Variants in NEBL observed in about 807,000 individuals in gnomAD.
NEBL encodes nebulette.
A neutral mutation model predicts 140.2 loss-of-function variants in NEBL; 122 were observed. That is an observed-to-expected ratio of 0.87 (90% CI 0.75 to 1.01). The LOEUF is 1.01. NEBL is among the 50% of genes least tolerant of loss of function. The pLI, the probability that NEBL is intolerant of heterozygous loss-of-function variation, is 0.00. For synonymous variants in NEBL, 436 were observed against 398.9 expected (o/e 1.09, Z -1.11); for missense variants, 1,365 against 1,231.3 (o/e 1.11, Z -1.62).
At chr10:21,212,527 TTG>T (rs1387061621) in intron 3 of NEBL, among the ~76,000 whole-genome samples, 1 of 152,146 alleles carries the variant, frequency 6.6e-6, no homozygotes, top group Non-Finnish European at 1.5e-5. Context: ...TCTCAAGAGT[TTG>T]TGAAACTTCC....
intron 3 of NEBL, among the ~76,000 whole-genome samples, chr10:20,968,745 T>C (rs1048968261): frequency 6.6e-6 from 1 of 152,338 alleles, no homozygotes; most frequent in African/African-American, 2.4e-5. Context: ...CTTTATTTCA[T>C]ACATTTCTGA....
chr10:21,072,804 A>G (rs9664022), intron 2 of NEBL, among the ~76,000 whole-genome samples: 4,843 of 152,264 alleles, frequency 0.032, 113 homozygotes, highest in African/African-American at 0.063. Flanking sequence ...CAGCATGGCC[A>G]ACATGATAAA....
intron 4 of NEBL, among the ~76,000 whole-genome samples, chr10:20,934,979 C>T (rs374601034): frequency 1.3e-5 from 2 of 152,156 alleles, no homozygotes; most frequent in East Asian, 3.9e-4. Context: ...GCATGCTGTG[C>T]AATAGTGAAG....
intron 4 of NEBL, among the ~76,000 whole-genome samples, chr10:20,911,918 A>G (rs1372116646): frequency 6.6e-6 from 1 of 152,318 alleles, no homozygotes; most frequent in East Asian, 1.9e-4. Flanking sequence ...TTATCATAGC[A>G]TTCAGTCTGT....
At chr10:21,218,447 G>C (rs781311250) in intron 3 of NEBL, among the ~76,000 whole-genome samples, 26 of 148,738 alleles carry the variant, frequency 1.7e-4, no homozygotes, top group Non-Finnish European at 3.2e-4. Context: ...GTGATGGTGT[G>C]TCTTCTTTCT....
chr10:21,161,709 C>A lies in NEBL; in HGVS notation c.164+10674G>T, dbSNP rs576440721. 3.9e-5 allele frequency among the ~76,000 whole-genome samples: 6 copies of A among 152,138 alleles called. No individual in the cohort carries two copies. The South Asian group carries it at 1.2e-3, about 32-fold the overall frequency. On this transcript the variant is annotated intron_variant, in intron 2 of 6. Coordinates refer to the NEBL transcript ENST00000417816. ...TGACTGGGGATGGTGGATTTTAGGCCCTCATTCATGTCCTGATGGAATAGG... is the reference window on the plus strand; with the variant it reads ...TGACTGGGGATGGTGGATTTTAGGCACTCATTCATGTCCTGATGGAATAGG...
At chr10:21,023,105 G>A (rs919719215) in intron 2 of NEBL, among the ~76,000 whole-genome samples, 3 of 152,156 alleles carry the variant, frequency 2.0e-5, no homozygotes, top group Admixed American at 2.0e-4. Flanking sequence ...TAGCAACTAC[G>A]TATGGCTGTA....
chr10:20,874,958 C>T (rs1469009296), intron 5 of NEBL, among the ~76,000 whole-genome samples: 1 of 152,090 alleles, frequency 6.6e-6, no homozygotes, highest in Non-Finnish European at 1.5e-5. Context: ...AGGTTGGTCT[C>T]AAACTCCTGA....
At chr10:20,845,212 C>G in intron 12 of NEBL, 46 bp downstream of exon 12, 1 of 1,243,216 alleles carries the variant, frequency 8.0e-7, no homozygotes, top group Non-Finnish European at 1.2e-6. Context: ...TGGGTTTTTT[C>G]TTTACTTTTC....
rs150306705 is a variant in NEBL at position 21,280,566 on chromosome 10, G to A, written n.182+12264C>T. On this transcript the variant is annotated intron_variant and non_coding_transcript_variant, in intron 1 of 8. Coordinates refer to the NEBL transcript ENST00000675702. ...ACAGGGGTCCCCCAGAGTCAAGAAA[G>A]AGCCAAGACTTCATGTAAGGGGCAT... Among the ~76,000 whole-genome samples the A allele has an allele frequency of 3.0e-4, 46 of 150,944 alleles. 1 individual carries two copies. In the East Asian group the frequency reaches 7.1e-3, roughly 23 times the overall value.
At chr10:21,205,242 C>G (rs1048638153) in intron 3 of NEBL, among the ~76,000 whole-genome samples, 3 of 152,190 alleles carry the variant, frequency 2.0e-5, no homozygotes, top group Non-Finnish European at 4.4e-5. Flanking sequence ...ATATCTGCCC[C>G]AAATGTGTAG....
chr10:20,974,897 T>G (rs1027287313), intron 3 of NEBL, among the ~76,000 whole-genome samples: 8 of 152,236 alleles, frequency 5.3e-5, no homozygotes, highest in African/African-American at 1.9e-4. Flanking sequence ...TCCCAAACTT[T>G]GTTAACATTA....
intron 3 of NEBL, among the ~76,000 whole-genome samples, chr10:21,242,894 G>A (rs1842459353): frequency 1.3e-5 from 2 of 152,268 alleles, no homozygotes; most frequent in South Asian, 4.2e-4. Flanking sequence ...GTTTGGGGGT[G>A]AGAAGAACAG....
At chr10:21,182,090 C>T (rs2132206063) in intron 3 of NEBL, among the ~76,000 whole-genome samples, 1 of 151,576 alleles carries the variant, frequency 6.6e-6, no homozygotes, top group South Asian at 2.1e-4. Context: ...GGCTAAGACT[C>T]ATTTTAAAAA....
At chr10:21,054,656 A>T (rs916260602) in intron 2 of NEBL, among the ~76,000 whole-genome samples, 2 of 152,228 alleles carry the variant, frequency 1.3e-5, no homozygotes. Context: ...CCATAGCACA[A>T]ATGTATTTTT....
At chr10:20,895,507 A>G (rs1046639340) in intron 2 of NEBL, among the ~76,000 whole-genome samples, 3 of 152,172 alleles carry the variant, frequency 2.0e-5, no homozygotes, top group Admixed American at 2.0e-4. Context: ...GAAAAAGCCT[A>G]GCGCCTACCT....
At chr10:21,222,935 G>T (rs1441139593) in intron 3 of NEBL, among the ~76,000 whole-genome samples, 2 of 152,138 alleles carry the variant, frequency 1.3e-5, no homozygotes, top group Non-Finnish European at 2.9e-5. Context: ...GCTAATTTTT[G>T]TATTTTTAGT....
intron 1 of NEBL, among the ~76,000 whole-genome samples, chr10:21,285,063 T>C (rs1480540183): frequency 6.6e-6 from 1 of 152,192 alleles, no homozygotes; most frequent in East Asian, 1.9e-4. Flanking sequence ...CCCACCTCTA[T>C]AAAATAAGAA....
chr10:20,855,184 G>A (rs1259236174), intron 9 of NEBL, among the ~76,000 whole-genome samples: 7 of 149,918 alleles, frequency 4.7e-5, no homozygotes, highest in African/African-American at 1.2e-4. Context: ...AGCTGAGATC[G>A]TGCCACTGCA....
Sources: allele counts gnomAD v4.1 joint callset (sites outside exome capture counted in the v4.1 genomes callset), GRCh38; gene constraint gnomAD v4.1.1; transcripts MANE v1.5; gene names NCBI Gene and HGNC (gene_info 2026-07-23, HGNC 2026-07-21).